The following PBX1 variants were observed in gnomAD, a reference collection of about 807,000 sequenced individuals.
The protein encoded by PBX1 is PBX homeobox 1.
In PBX1, 6 loss-of-function variants were observed where a neutral mutation model predicts 53.4. That is an observed-to-expected ratio of 0.11 (90% confidence interval 0.06 to 0.22). The LOEUF is 0.22. PBX1 is among the 10% of genes least tolerant of loss of function. The probability of loss-of-function intolerance (pLI) is 1.00; values close to 1 mark genes in which losing one functional copy is unlikely to be tolerated. For synonymous variants in PBX1, 204 were observed against 212.3 expected (o/e 0.96, Z 0.34); for missense variants, 251 against 551.4 (o/e 0.46, Z 5.46).
intron 2 of PBX1, among the ~76,000 whole-genome samples, chr1:164,685,613 C>T (rs1662050647): frequency 6.6e-6 from 1 of 152,212 alleles, no homozygotes; most frequent in African/African-American, 2.4e-5. Flanking sequence ...AGTTAGTATT[C>T]ACTGGAAGCC....
chr1:164,716,695 C>T (rs1664108402), intron 2 of PBX1, among the ~76,000 whole-genome samples: 1 of 148,372 alleles, frequency 6.7e-6, no homozygotes, highest in Non-Finnish European at 1.5e-5. Context: ...TACACACACA[C>T]ACACACACAC....
chr1:164,698,858 C>T (rs913609596), intron 2 of PBX1, among the ~76,000 whole-genome samples: 25 of 152,178 alleles, frequency 1.6e-4, no homozygotes, highest in African/African-American at 5.8e-4. Flanking sequence ...CACTAGAACA[C>T]GAGGTACCAC....
intron 2 of PBX1, among the ~76,000 whole-genome samples, chr1:164,585,951 ACATT>A (rs549700231): frequency 3.9e-5 from 6 of 152,196 alleles, no homozygotes; most frequent in Non-Finnish European, 7.3e-5. Context: ...AGTGCTTATG[ACATT>A]CATTCATTCA....
intron 2 of PBX1, among the ~76,000 whole-genome samples, chr1:164,658,176 AAAAAAG>A (rs907557454): frequency 1.3e-5 from 2 of 152,132 alleles, no homozygotes. Flanking sequence ...CAAAAAAAAA[AAAAAAG>A]AAAGACTGGA....
At chr1:164,697,723 G>C (rs1662872988) in intron 2 of PBX1, among the ~76,000 whole-genome samples, 1 of 152,148 alleles carries the variant, frequency 6.6e-6, no homozygotes, top group African/African-American at 2.4e-5. Context: ...CTGTCACAGA[G>C]TACTACGAAT....
chr1:164,656,051 A>G (rs567048303), intron 2 of PBX1, among the ~76,000 whole-genome samples: 70 of 152,350 alleles, frequency 4.6e-4, no homozygotes, highest in African/African-American at 1.6e-3. Context: ...TGGAACATTT[A>G]AAAATATTTT....
At chr1:164,852,065 G>A (rs1228249056), downstream of PBX1, among the ~76,000 whole-genome samples, 2 of 152,166 alleles carry the variant, frequency 1.3e-5, no homozygotes, top group Non-Finnish European at 2.9e-5. Flanking sequence ...GAGGGACAGA[G>A]CACCCCATCT....
intron 2 of PBX1, among the ~76,000 whole-genome samples, chr1:164,622,182 G>C (rs1031532296): frequency 6.6e-6 from 1 of 152,320 alleles, no homozygotes; most frequent in African/African-American, 2.4e-5. Context: ...AGGAGAAGGC[G>C]TCTTGTTGGA....
intron 2 of PBX1, among the ~76,000 whole-genome samples, chr1:164,773,243 G>GCACACACACACACACACACACACA (rs60518864): frequency 8.1e-5 from 12 of 147,782 alleles, no homozygotes; most frequent in Non-Finnish European, 1.0e-4. Flanking sequence ...GGTAACACGC[G>GCACACACACACACACACACACACA]CACACACACA....
chr1:164,727,697 A>G (rs1410307419), intron 2 of PBX1, among the ~76,000 whole-genome samples: 1 of 152,216 alleles, frequency 6.6e-6, no homozygotes, highest in Non-Finnish European at 1.5e-5. Context: ...CACATCTGCT[A>G]TGAGGCTCTT....
chr1:164,751,727 G>A (rs945664151), intron 2 of PBX1, among the ~76,000 whole-genome samples: 6 of 151,514 alleles, frequency 4.0e-5, no homozygotes, highest in South Asian at 2.1e-4. Flanking sequence ...GGTTACAGGC[G>A]CCTGCCACCA....
intron 2 of PBX1, among the ~76,000 whole-genome samples, chr1:164,780,178 C>T (rs887414493): frequency 3.9e-5 from 6 of 152,116 alleles, no homozygotes; most frequent in African/African-American, 7.2e-5. Context: ...AGACCCCCTG[C>T]TCTCCCCAAA....
At chr1:164,809,354 G>A (rs1455905382) in intron 5 of PBX1, among the ~76,000 whole-genome samples, 1 of 152,102 alleles carries the variant, frequency 6.6e-6, no homozygotes, top group African/African-American at 2.4e-5. Flanking sequence ...TACATATTGT[G>A]TCACCTTTCC....
intron 8 of PBX1, among the ~76,000 whole-genome samples, chr1:164,843,038 C>G (rs1671381393): frequency 6.6e-6 from 1 of 151,746 alleles, no homozygotes; most frequent in Non-Finnish European, 1.5e-5. Context: ...AGGAATTGCT[C>G]CCCAGGGTTA....
chr1:164,693,496 T>C (rs2635016), intron 2 of PBX1, among the ~76,000 whole-genome samples: 35,921 of 152,042 alleles, frequency 0.24, 4,464 homozygotes, highest in East Asian at 0.45. Context: ...CACTATTCTA[T>C]AGGTGTTTAT....
intron 2 of PBX1, among the ~76,000 whole-genome samples, chr1:164,689,262 A>G (rs1330834148): frequency 6.6e-6 from 1 of 152,110 alleles, no homozygotes; most frequent in African/African-American, 2.4e-5. Context: ...GTTTCTGTTA[A>G]TTCTTGGCAA....
chr1:164,719,889 A>G lies in PBX1; in HGVS notation c.266-72605A>G, dbSNP rs138435832. On this transcript the variant is annotated intron_variant, in intron 2 of 8. Transcript: ENST00000420696. ...AATGTGGACATGGCAAGCCTGGGCA[A>G]ACTCACTCTTCCCATTTCACCCTGC... Among the ~76,000 whole-genome samples the G allele has an allele frequency of 3.2e-3, 481 of 152,214 alleles. 4 individuals carry two copies. Among genetic ancestry groups the G allele is most frequent in the African/African-American group, 0.011 (466 of 41,524 alleles).
At chr1:164,871,695 G>A (rs573965839) in intron 2 of PBX1, among the ~76,000 whole-genome samples, 1 of 152,236 alleles carries the variant, frequency 6.6e-6, no homozygotes, top group Admixed American at 6.5e-5. Context: ...CCTGTGGGGA[G>A]CCTGTGAGGA....
At chr1:164,811,950 T>G in intron 5 of PBX1, 40 bp from the exon 6 acceptor site, 2 of 1,565,386 alleles carry the variant, frequency 1.3e-6, no homozygotes, top group Non-Finnish European at 1.7e-6. Context: ...TTCTGAAGGA[T>G]GAAATGTGAA....
Sources: gnomAD v4.1 joint callset for allele counts (sites outside exome capture counted in the v4.1 genomes callset) on GRCh38, gnomAD v4.1.1 for gene constraint, MANE v1.5 for transcripts, NCBI Gene and HGNC (gene_info 2026-07-23, HGNC 2026-07-21) for gene names.